Variants in PDE4D observed in about 807,000 individuals in gnomAD.
PDE4D encodes the protein phosphodiesterase 4D.
PDE4D carries 24 observed loss-of-function variants against 87.4 expected under a neutral mutation model. The ratio of observed to expected loss-of-function variants is 0.27; its 90% CI spans 0.20 to 0.39. The LOEUF is 0.39. Among genes scored for constraint, PDE4D ranks in the 10% least tolerant of loss-of-function variants. PDE4D has a pLI of 1.00. For synonymous variants in PDE4D, 384 were observed against 383.2 expected (o/e 1.00, Z -0.02); for missense variants, 714 against 1,041.0 (o/e 0.69, Z 4.32).
chr5:60,520,820 T>G (rs774444721), intron 1 of PDE4D, among the ~76,000 whole-genome samples: 16 of 152,088 alleles, frequency 1.1e-4, no homozygotes, highest in Non-Finnish European at 2.1e-4. Context: ...GTCCTAAAGA[T>G]TCCCCCAAAA....
intron 1 of PDE4D, among the ~76,000 whole-genome samples, chr5:59,802,655 C>T (rs1398348602): frequency 1.3e-5 from 2 of 152,022 alleles, no homozygotes; most frequent in African/African-American, 4.8e-5. Flanking sequence ...CCTCGGCCTC[C>T]CAAAGTGTTG....
chr5:59,682,128 A>G (rs1466363415), intron 1 of PDE4D, among the ~76,000 whole-genome samples: 1 of 152,118 alleles, frequency 6.6e-6, no homozygotes, highest in East Asian at 1.9e-4. Flanking sequence ...GAAAACAGCA[A>G]CCATCATAAT....
intron 1 of PDE4D, among the ~76,000 whole-genome samples, chr5:60,446,841 GC>G (rs779989822): frequency 1.3e-5 from 2 of 152,148 alleles, no homozygotes; most frequent in South Asian, 4.1e-4. Flanking sequence ...TTCTGCGCCT[GC>G]CCCCTGCCAA....
chr5:59,175,780 CATTTTTTTTTTT>C (rs1215458781), intron 5 of PDE4D, among the ~76,000 whole-genome samples: 1 of 91,554 alleles, frequency 1.1e-5, no homozygotes, highest in African/African-American at 5.1e-5. Context: ...GCCCGGCCTC[CATTTTTTTTTTT>C]TTTTTTTTTT....
intron 1 of PDE4D, among the ~76,000 whole-genome samples, chr5:60,319,559 C>A (rs113457032): frequency 0.059 from 9,055 of 152,230 alleles, 889 homozygotes; most frequent in African/African-American, 0.21. Flanking sequence ...AGGAGAGGTG[C>A]TCTGATTTTT....
chr5:60,157,069 T>C (rs1782039823), intron 2 of PDE4D, among the ~76,000 whole-genome samples: 1 of 152,154 alleles, frequency 6.6e-6, no homozygotes, highest in Admixed American at 6.5e-5. Context: ...AAAGACACCA[T>C]ATTCACAAAG....
intron 1 of PDE4D, among the ~76,000 whole-genome samples, chr5:59,843,217 T>A (rs1474649684): frequency 6.6e-6 from 1 of 152,044 alleles, no homozygotes; most frequent in Admixed American, 6.6e-5. Flanking sequence ...AAGGTCAAAA[T>A]CTAATTTTAA....
intron 1 of PDE4D, among the ~76,000 whole-genome samples, chr5:60,244,311 G>C (rs1747458520): frequency 6.6e-6 from 1 of 151,696 alleles, no homozygotes. Context: ...GACACAAAAA[G>C]ATGGAACGAT....
intron 5 of PDE4D, among the ~76,000 whole-genome samples, chr5:59,075,820 T>G (rs1291977246): frequency 1.3e-5 from 2 of 152,154 alleles, no homozygotes; most frequent in Non-Finnish European, 2.9e-5. Context: ...CTTATTAATT[T>G]TATCCTTTCT....
intron 1 of PDE4D, among the ~76,000 whole-genome samples, chr5:59,545,656 T>A (rs908415555): frequency 3.3e-5 from 5 of 152,196 alleles, no homozygotes; most frequent in African/African-American, 1.2e-4. Context: ...CTAGCATCAA[T>A]TTTTACTTTG....
chr5:59,541,576 C>T (rs2153684165), intron 1 of PDE4D, among the ~76,000 whole-genome samples: 1 of 152,344 alleles, frequency 6.6e-6, no homozygotes, highest in East Asian at 1.9e-4. Flanking sequence ...CCATGGGATA[C>T]TATCTCCTCC....
intron 1 of PDE4D, among the ~76,000 whole-genome samples, chr5:60,322,404 ACACACACAC>A (rs1756381230): frequency 7.1e-6 from 1 of 141,494 alleles, no homozygotes; most frequent in East Asian, 2.6e-4. Flanking sequence ...ACACACACAC[ACACACACAC>A]ACAAAACCCT....
intron 2 of PDE4D, among the ~76,000 whole-genome samples, chr5:60,088,647 AC>A (rs1231632134): frequency 6.6e-6 from 1 of 151,972 alleles, no homozygotes; most frequent in Non-Finnish European, 1.5e-5. Context: ...CAAAGCAAAA[AC>A]CTATTATAGA....
At chr5:60,304,651 CAAAAAAAAAAAA>C (rs70975379) in intron 1 of PDE4D, among the ~76,000 whole-genome samples, 2 of 60,086 alleles carry the variant, frequency 3.3e-5, no homozygotes, top group South Asian at 4.7e-4. Context: ...GACTCCGTCT[CAAAAAAAAAAAA>C]AAAAAAAAAA....
chr5:59,728,979 T>C (rs1453506756), intron 1 of PDE4D, among the ~76,000 whole-genome samples: 2 of 152,098 alleles, frequency 1.3e-5, no homozygotes, highest in Non-Finnish European at 2.9e-5. Context: ...TGAAAGTGTT[T>C]AGAGAATTTC....
At chr5:59,121,125 G>A (rs928216259) in intron 5 of PDE4D, among the ~76,000 whole-genome samples, 22 of 152,100 alleles carry the variant, frequency 1.4e-4, no homozygotes, top group African/African-American at 5.1e-4. Context: ...AACACTTCAG[G>A]ACATTGGTCT....
intron 2 of PDE4D, among the ~76,000 whole-genome samples, chr5:60,043,329 C>G (rs1013077881): frequency 6.6e-6 from 1 of 152,044 alleles, no homozygotes; most frequent in Non-Finnish European, 1.5e-5. Context: ...GATTGGTGTA[C>G]CTCAAAGTGA....
chr5:59,350,548 G>A (rs572903727), intron 1 of PDE4D, among the ~76,000 whole-genome samples: 6 of 152,164 alleles, frequency 3.9e-5, no homozygotes, highest in Non-Finnish European at 5.9e-5. Flanking sequence ...GCCATGAATC[G>A]GAACACATTT....
At chr5:59,460,334 T>A (rs1227190768) in intron 1 of PDE4D, among the ~76,000 whole-genome samples, 1 of 152,196 alleles carries the variant, frequency 6.6e-6, no homozygotes, top group East Asian at 1.9e-4. Context: ...AAAGATTTTA[T>A]CATCTTCCCT....
Sources: allele counts gnomAD v4.1 joint callset (sites outside exome capture counted in the v4.1 genomes callset), GRCh38; gene constraint gnomAD v4.1.1; transcripts MANE v1.5; gene names NCBI Gene and HGNC (gene_info 2026-07-23, HGNC 2026-07-21).